SLC12A7: variants seen among roughly 807,000 people sequenced by gnomAD.
The protein encoded by SLC12A7 is K-Cl cotransporter 4.
SLC12A7 carries 100 observed loss-of-function variants against 120.6 expected under a neutral mutation model. That is an observed-to-expected ratio of 0.83 (90% CI 0.71 to 0.98). The LOEUF is 0.98. Among genes scored for constraint, SLC12A7 ranks in the 50% least tolerant of loss-of-function variants. The pLI is 0.00. For synonymous variants in SLC12A7, 760 were observed against 678.0 expected (o/e 1.12, Z -1.88); for missense variants, 1,373 against 1,548.1 (o/e 0.89, Z 1.90).
chr5:1,096,826 GA>G, intron 1 of SLC12A7, among the ~76,000 whole-genome samples: 2 of 61,896 alleles, frequency 3.2e-5, no homozygotes, highest in African/African-American at 5.3e-5. Context: ...GGAAGGGAGG[GA>G]AGGAAGGAGG....
upstream of SLC12A7, among the ~76,000 whole-genome samples, chr5:1,112,458 A>C (rs1006454554): frequency 9.4e-4 from 17 of 18,164 alleles, no homozygotes; most frequent in Admixed American, 2.1e-3. Context: ...CCCCTCCTGC[A>C]CCCCCCCACC....
At chr5:1,079,641 G>C (rs1178595046) in intron 9 of SLC12A7, 145 bp from the exon 10 acceptor site, 5 of 676,062 alleles carry the variant, frequency 7.4e-6, no homozygotes, top group Non-Finnish European at 1.3e-5. Context: ...AGCTCCGCCA[G>C]CCCACGCTGC....
intron 1 of SLC12A7, among the ~76,000 whole-genome samples, chr5:1,107,870 G>C (rs908616966): frequency 6.6e-6 from 1 of 152,134 alleles, no homozygotes; most frequent in Admixed American, 6.5e-5. Flanking sequence ...GTTCAGACCT[G>C]AACACGAGGC....
chr5:1,144,351 G>A, the SLC12A7 span, among the ~76,000 whole-genome samples: 61,197 of 152,192 alleles, frequency 0.4, 12,944 homozygotes, highest in East Asian at 0.6. Flanking sequence ...GGGCAGCTCC[G>A]ACAAGGAGTG....
Position 1,050,908 on chromosome 5 carries a change from A to C in SLC12A7, c.*1452T>G. On this transcript the variant is annotated 3_prime_UTR_variant, in exon 24 of 24. Coordinates refer to ENST00000264930, the MANE Select transcript of SLC12A7 (RefSeq NM_006598.3). The stretch of plus-strand genomic sequence containing the variant: ...CAAGTGCAGCCTCTGCCCCGATTTG[A>C]ACTTTGTTGATGGGGCTGATTCCCT... 2.5e-6 allele frequency: 1 copy of C among 398,626 alleles called. No individual in the cohort carries two copies. Among genetic ancestry groups the C allele is most frequent in the Non-Finnish European group, 4.4e-6 (1 of 226,078 alleles). 24.7% of individuals were successfully genotyped at this position (398,626 alleles called of 1,614,324 possible). A position where few individuals can be genotyped will look rare whatever the true frequency, so the allele number is the denominator to read the frequency against.
In SLC12A7 at chr5:1,078,677, C is replaced by G. The variant is rs371249013; in HGVS notation, c.1454+24G>C. 1.0e-5 allele frequency: 16 copies of G among 1,603,390 alleles called. No individual in the cohort carries two copies. The African/African-American group carries it at 1.9e-4, about 19-fold the overall frequency. On this transcript the variant is annotated intron_variant, in intron 11 of 23. Coordinates refer to ENST00000264930, the MANE Select transcript of SLC12A7 (RefSeq NM_006598.3). ...ACCCTTGAAGACTACAGGCTTTGCA[C>G]GAAAACTGCAGGTGGAAACGTACTT...
chr5:1,153,829 T>G, the SLC12A7 span, among the ~76,000 whole-genome samples: 1 of 152,128 alleles, frequency 6.6e-6, no homozygotes, highest in East Asian at 1.9e-4. Flanking sequence ...GAGAAAACTT[T>G]GTGTGCATCT....
At chr5:1,086,868 G>T (rs1223687349) in intron 6 of SLC12A7, 35 bp downstream of exon 6, 1 of 1,606,820 alleles carries the variant, frequency 6.2e-7, no homozygotes, top group Non-Finnish European at 8.5e-7. Flanking sequence ...GCCACAGACT[G>T]TGGGGTGGGA....
chr5:1,070,131 GC>G (rs750308665), intron 17 of SLC12A7, among the ~76,000 whole-genome samples: 8 of 22,292 alleles, frequency 3.6e-4, no homozygotes, highest in South Asian at 2.4e-3. Flanking sequence ...CACTTATGCA[GC>G]CCCCAGTGAG....
chr5:1,061,445 G>A (rs1181932940), intron 20 of SLC12A7, among the ~76,000 whole-genome samples: 1 of 69,584 alleles, frequency 1.4e-5, no homozygotes. Flanking sequence ...CACCGCACCC[G>A]CCGTGCGGGA....
upstream of SLC12A7, among the ~76,000 whole-genome samples, chr5:1,115,416 C>T (rs527572610): frequency 4.6e-5 from 7 of 152,348 alleles, no homozygotes; most frequent in South Asian, 6.2e-4. Flanking sequence ...TCTCACCAGA[C>T]GCAGGCTGCC....
chr5:1,082,755 C>T lies in SLC12A7; in HGVS notation c.1129+990G>A, dbSNP rs1414204347. ...TTCCCATCTCAGGTTCTGGAAAGTC[C>T]AGGCTTCCCGTCTTGGGTTCTGGAA... On this transcript the variant is annotated intron_variant, in intron 8 of 23. Coordinates refer to ENST00000264930, the MANE Select transcript of SLC12A7 (RefSeq NM_006598.3). 7.8e-5 allele frequency among the ~76,000 whole-genome samples: 11 copies of T among 141,238 alleles called. No homozygotes were observed. The South Asian group carries it at 9.3e-4, about 12-fold the overall frequency. The allele number at this position is 141,238 out of a possible 152,430, so 92.7% of individuals were successfully genotyped here.
chr5:1,074,441 C>A, intron 16 of SLC12A7, 126 bp downstream of exon 16: 1 of 846,016 alleles, frequency 1.2e-6, no homozygotes, highest in East Asian at 2.6e-5. Flanking sequence ...AGTGTTCACA[C>A]CCCAGACCTT....
Position 1,083,866 on chromosome 5 carries a change from G to A in SLC12A7, c.1008C>T (p.Ser336=), listed in dbSNP as rs34815306. 6,985 of 1,608,078 alleles carry A rather than the reference G, an allele frequency of 4.3e-3. 25 individuals carry two copies. Among genetic ancestry groups the A allele is most frequent in the Non-Finnish European group, 5.2e-3 (6,081 of 1,177,354 alleles). Residue 336 remains serine (S), a synonymous_variant, in exon 8 of 24, where the codon TCC becomes TCT. Coordinates refer to ENST00000264930, the MANE Select transcript of SLC12A7 (RefSeq NM_006598.3). ...CGTTGCAGAAGAGGCCCCAGAGCGCGGAGGTGGCTGAGTTGTTGTGGATGC... is the reference window on the plus strand; with the variant it reads ...CGTTGCAGAAGAGGCCCCAGAGCGCAGAGGTGGCTGAGTTGTTGTGGATGC... ...AYGIHNNSAT[S]ALWGLFCNGS...
At chr5:1,154,946 C>T in the SLC12A7 span, among the ~76,000 whole-genome samples, 1 of 152,344 alleles carries the variant, frequency 6.6e-6, no homozygotes, top group East Asian at 1.9e-4. Context: ...GGCCCACGAG[C>T]TTTAAGCCCA....
At position 1,086,954 on chromosome 5, in the gene SLC12A7, G is replaced by C. The variant is rs1222280486; in HGVS notation, c.624C>G (p.Gly208=). The change falls in exon 6 of 24, where the codon GGC becomes GGG. Residue 208 remains glycine, a synonymous_variant. Transcript: ENST00000264930. ...GGAVGLCFYL[G]TTFAGAMYIL... Reference sequence around the variant, plus strand: ...TATACATGGCCCCTGCAAACGTCGTGCCCAGGTAGAAGCAGAGGCCGACAG... The same window carrying C: ...TATACATGGCCCCTGCAAACGTCGTCCCCAGGTAGAAGCAGAGGCCGACAG... The C allele has an allele frequency of 1.2e-6, 2 of 1,612,774 alleles. No individual in the cohort carries two copies. The highest frequency in any genetic ancestry group is 1.7e-6 in the Non-Finnish European group (2 of 1,180,008).
chr5:1,055,455 G>A (rs1735511314), intron 22 of SLC12A7, among the ~76,000 whole-genome samples: 1 of 152,194 alleles, frequency 6.6e-6, no homozygotes, highest in Non-Finnish European at 1.5e-5. Context: ...CGCCCGCACT[G>A]CCCAGAAGAG....
chr5:1,148,270 G>C, the SLC12A7 span, among the ~76,000 whole-genome samples: 1 of 134,792 alleles, frequency 7.4e-6, no homozygotes, highest in Admixed American at 8.8e-5. Flanking sequence ...GCAGTGGTGC[G>C]ATCTCCACTC....
chr5:1,074,485 C>T (rs1738095685), intron 16 of SLC12A7, 82 bp downstream of exon 16: 5 of 1,311,644 alleles, frequency 3.8e-6, no homozygotes, highest in Middle Eastern at 1.9e-4. Context: ...GCCCCTGAGA[C>T]TCAAAGGTCC....
Sources: gnomAD v4.1 joint callset for allele counts (sites outside exome capture counted in the v4.1 genomes callset) on GRCh38, gnomAD v4.1.1 for gene constraint, MANE v1.5 for transcripts, NCBI Gene and HGNC (gene_info 2026-07-23, HGNC 2026-07-21) for gene names.